TPRG1: variants seen among roughly 807,000 people sequenced by gnomAD.
The protein encoded by TPRG1 is tumor protein p63-regulated gene 1 protein.
A neutral mutation model predicts 29.3 loss-of-function variants in TPRG1; 29 were observed. The observed-to-expected ratio is 0.99, with a 90% CI of 0.74 to 1.35. The LOEUF (loss-of-function observed/expected upper bound fraction) is 1.35, where lower values mean the gene tolerates loss of function less well. TPRG1 is among the 40% of genes most tolerant of loss of function. The pLI is 0.00. For synonymous variants in TPRG1, 130 were observed against 116.8 expected (o/e 1.11, Z -0.73); for missense variants, 327 against 335.0 (o/e 0.98, Z 0.19).
At chr3:189,208,407 G>T (rs945759746) in intron 2 of TPRG1, among the ~76,000 whole-genome samples, 1 of 152,146 alleles carries the variant, frequency 6.6e-6, no homozygotes, top group Non-Finnish European at 1.5e-5. Context: ...TCATGTGTAC[G>T]TGGGAGATCT....
At chr3:189,181,764 A>G (rs755671527) in intron 1 of TPRG1, among the ~76,000 whole-genome samples, 5 of 152,118 alleles carry the variant, frequency 3.3e-5, no homozygotes, top group Admixed American at 1.3e-4. Context: ...TTGCTTCCAC[A>G]TTTTTGGGTA....
intron 4 of TPRG1, among the ~76,000 whole-genome samples, chr3:189,253,035 T>C (rs1289451397): frequency 6.6e-6 from 1 of 152,160 alleles, no homozygotes; most frequent in African/African-American, 2.4e-5. Flanking sequence ...CATCTCAACC[T>C]ATATTTTCTT....
At position 189,089,307 on chromosome 3, in the gene TPRG1, T is replaced by G. The variant is rs576951789; in HGVS notation, c.-462-37750T>G. ...AATCTTCTCTTCTGACTACTGGCTA[T>G]TCTGGTTTTTCAAGATTCTTCTGTA... is the stretch of plus-strand genomic sequence containing the variant. On this transcript the variant is annotated intron_variant, in intron 4 of 10. Coordinates refer to the TPRG1 transcript ENST00000433971. Among the ~76,000 whole-genome samples, 114 of 152,350 alleles carry G rather than the reference T, an allele frequency of 7.5e-4. 1 individual carries two copies. Among genetic ancestry groups the G allele is most frequent in the African/African-American group, 2.7e-3 (112 of 41,582 alleles).
At chr3:189,012,937 C>T (rs570865025) in intron 3 of TPRG1, among the ~76,000 whole-genome samples, 2 of 152,098 alleles carry the variant, frequency 1.3e-5, no homozygotes, top group Non-Finnish European at 2.9e-5. Context: ...TTCAAAAAAT[C>T]AGTTCCTGGA....
intron 5 of TPRG1, among the ~76,000 whole-genome samples, chr3:189,312,592 T>C (rs1221532678): frequency 6.6e-6 from 1 of 152,208 alleles, no homozygotes; most frequent in Non-Finnish European, 1.5e-5. Context: ...ATTCCCTGAA[T>C]GCCCTTTGCA....
intron 2 of TPRG1, among the ~76,000 whole-genome samples, chr3:189,209,956 A>T (rs1735004643): frequency 6.6e-6 from 1 of 150,846 alleles, no homozygotes. Flanking sequence ...CCATGTGAGT[A>T]AAATAAATGT....
At chr3:189,266,735 G>C (rs958227868) in intron 4 of TPRG1, among the ~76,000 whole-genome samples, 1 of 143,436 alleles carries the variant, frequency 7.0e-6, no homozygotes, top group Non-Finnish European at 1.5e-5. Flanking sequence ...GTTATATTTT[G>C]TATTATTATT....
chr3:189,107,563 T>A (rs942972554), intron 1 of TPRG1, among the ~76,000 whole-genome samples: 2 of 152,158 alleles, frequency 1.3e-5, no homozygotes, highest in Non-Finnish European at 2.9e-5. Context: ...TTTCACCCCT[T>A]AGCCTTTTTG....
intron 4 of TPRG1, among the ~76,000 whole-genome samples, chr3:189,241,615 G>A (rs1041475882): frequency 5.9e-5 from 9 of 151,938 alleles, no homozygotes; most frequent in Admixed American, 2.6e-4. Context: ...ATATGGTTTG[G>A]TTGTGTCCCC....
chr3:189,272,079 C>T (rs1324708408), intron 4 of TPRG1, among the ~76,000 whole-genome samples: 2 of 152,114 alleles, frequency 1.3e-5, no homozygotes, highest in Non-Finnish European at 2.9e-5. Context: ...CACAGATGTC[C>T]CACATGATAT....
chr3:189,283,954 G>A (rs1186396333), intron 4 of TPRG1, among the ~76,000 whole-genome samples: 1 of 152,164 alleles, frequency 6.6e-6, no homozygotes, highest in Non-Finnish European at 1.5e-5. Flanking sequence ...TTATTGAACA[G>A]ATAAGATGAC....
intron 1 of TPRG1, among the ~76,000 whole-genome samples, chr3:189,202,889 GC>G (rs1733726443): frequency 6.6e-6 from 1 of 152,178 alleles, no homozygotes; most frequent in African/African-American, 2.4e-5. Flanking sequence ...CCTCCAGTTT[GC>G]CAGTGCATGA....
intron 1 of TPRG1, chr3:189,120,500 A>T (rs1442485381): frequency 1.3e-5 from 2 of 152,230 alleles, no homozygotes; most frequent in Non-Finnish European, 2.9e-5. Context: ...AAAATATGTG[A>T]ATCTTTGGGT....
chr3:189,277,635 C>T (rs1413153709), intron 4 of TPRG1, among the ~76,000 whole-genome samples: 1 of 152,020 alleles, frequency 6.6e-6, no homozygotes, highest in East Asian at 1.9e-4. Flanking sequence ...TCTTGAAGTG[C>T]TGAAAGTCAA....
At chr3:189,146,963 C>T (rs1297287550) in intron 3 of TPRG1, among the ~76,000 whole-genome samples, 2 of 152,174 alleles carry the variant, frequency 1.3e-5, no homozygotes, top group Non-Finnish European at 2.9e-5. Context: ...CTTTTCCTGC[C>T]TTATCATTTA....
chr3:189,167,301 G>A (rs1728282913), upstream of TPRG1, among the ~76,000 whole-genome samples: 1 of 152,184 alleles, frequency 6.6e-6, no homozygotes, highest in African/African-American at 2.4e-5. Context: ...GTGATGGGGT[G>A]GAGACTGTGG....
intron 1 of TPRG1, chr3:189,190,968 G>A (rs918026414): frequency 1.0e-6 from 1 of 985,250 alleles, no homozygotes; most frequent in Non-Finnish European, 1.2e-6. Context: ...ACAGAAGCAA[G>A]GAAATGCGAA....
intron 3 of TPRG1, among the ~76,000 whole-genome samples, chr3:189,237,297 GCACA>G (rs138027082): frequency 3.6e-4 from 55 of 150,916 alleles, no homozygotes; most frequent in African/African-American, 1.1e-3. Flanking sequence ...GCACACACAC[GCACA>G]CACACACACG....
At position 189,250,813 on chromosome 3, in the gene TPRG1, G is replaced by A. The variant is rs189016340; in HGVS notation, c.479+11904G>A. Among the ~76,000 whole-genome samples, 73 of 148,826 alleles carry A rather than the reference G, an allele frequency of 4.9e-4. 1 individual carries two copies. The East Asian group carries it at 0.01, about 21-fold the overall frequency. ...CCCACTCGCTGTAGGTGGTAATGTT[G>A]ATGCTGTTTTCAAGTGTCTTTACCT... On this transcript the variant is annotated intron_variant, in intron 4 of 5. Coordinates refer to ENST00000345063, the MANE Select transcript of TPRG1 (RefSeq NM_198485.4).
Sources: gnomAD v4.1 joint callset for allele counts (sites outside exome capture counted in the v4.1 genomes callset) on GRCh38, gnomAD v4.1.1 for gene constraint, MANE v1.5 for transcripts, NCBI Gene and HGNC (gene_info 2026-07-23, HGNC 2026-07-21) for gene names.